Variants in EDIL3 observed in about 807,000 individuals in gnomAD.
The protein encoded by EDIL3 is EGF-like repeat and discoidin I-like domain-containing protein 3.
In EDIL3, 37 loss-of-function variants were observed where a neutral mutation model predicts 67.4. The ratio of observed to expected loss-of-function variants is 0.55; its 90% CI spans 0.42 to 0.72. The LOEUF is 0.72. Among genes scored for constraint, EDIL3 ranks in the 30% least tolerant of loss-of-function variants. The pLI, the probability that EDIL3 is intolerant of heterozygous loss-of-function variation, is 0.00. For synonymous variants in EDIL3, 195 were observed against 196.3 expected (o/e 0.99, Z 0.05); for missense variants, 527 against 586.3 (o/e 0.90, Z 1.04).
At chr5:84,304,368 G>A (rs566247557) in intron 1 of EDIL3, among the ~76,000 whole-genome samples, 1 of 152,186 alleles carries the variant, frequency 6.6e-6, no homozygotes, top group African/African-American at 2.4e-5. Context: ...GTGTGAGCTG[G>A]AGTATGGAGC....
At chr5:84,052,542 G>A (rs1746360286) in intron 9 of EDIL3, among the ~76,000 whole-genome samples, 1 of 152,114 alleles carries the variant, frequency 6.6e-6, no homozygotes, top group African/African-American at 2.4e-5. Context: ...AGACCCATCA[G>A]TGTGCTGTAT....
Position 84,121,533 on chromosome 5 carries a change from A to AGATC in EDIL3, c.470-14707_470-14704dup, listed in dbSNP as rs374601994. On this transcript the variant is annotated intron_variant, in intron 5 of 10. Coordinates refer to ENST00000296591, the MANE Select transcript of EDIL3 (RefSeq NM_005711.5). ...CATTATCTGACCAGTTCACTAACTT[A>AGATC]GATCGATCTATCTATCTATCTATCT... is the stretch of plus-strand genomic sequence containing the variant. Among the ~76,000 whole-genome samples the AGATC allele has an allele frequency of 2.1e-3, 211 of 100,794 alleles. 1 individual carries two copies. The highest frequency in any genetic ancestry group is 5.1e-3 in the African/African-American group (153 of 29,808). The allele number at this position is 100,794 out of a possible 152,430, so 66.1% of individuals were successfully genotyped here.
At chr5:84,240,459 C>G (rs1323622520) in intron 2 of EDIL3, among the ~76,000 whole-genome samples, 1 of 152,104 alleles carries the variant, frequency 6.6e-6, no homozygotes, top group Non-Finnish European at 1.5e-5. Flanking sequence ...GGGGCATGAA[C>G]CGGTATGGGT....
In EDIL3 at chr5:84,062,781, CA is replaced by C. The variant is rs1198022115; in HGVS notation, c.952+1918del. On this transcript the variant is annotated intron_variant, in intron 8 of 10. Transcript: ENST00000296591. Reference sequence around the variant, plus strand: ...TTGTGGGGAGTAGTTTGGTACATTACATTAGTGTTTATTTCCAGGTGTTACA... The same window carrying C: ...TTGTGGGGAGTAGTTTGGTACATTACTTAGTGTTTATTTCCAGGTGTTACA... Among the ~76,000 whole-genome samples, 4 of 152,054 alleles carry C rather than the reference CA, an allele frequency of 2.6e-5. No homozygotes were observed. In the East Asian group the frequency reaches 7.7e-4, roughly 29 times the overall value.
intron 6 of EDIL3, among the ~76,000 whole-genome samples, chr5:84,075,894 A>G (rs867123899): frequency 1.5e-4 from 20 of 129,528 alleles, no homozygotes; most frequent in South Asian, 4.5e-4. Flanking sequence ...GTGCACGCAC[A>G]CACACACACA....
intron 1 of EDIL3, among the ~76,000 whole-genome samples, chr5:84,342,484 G>T (rs146689126): frequency 6.6e-6 from 1 of 152,114 alleles, no homozygotes; most frequent in East Asian, 1.9e-4. Context: ...TTATTCCACT[G>T]ATGGATACTC....
chr5:84,369,476 C>A (rs1580106825), intron 1 of EDIL3, among the ~76,000 whole-genome samples: 3 of 151,974 alleles, frequency 2.0e-5, no homozygotes, highest in African/African-American at 7.2e-5. Flanking sequence ...GTGAAATAAG[C>A]CAGTCTCACA....
chr5:84,243,883 A>G (rs1744847389), intron 2 of EDIL3, among the ~76,000 whole-genome samples: 1 of 152,080 alleles, frequency 6.6e-6, no homozygotes, highest in Non-Finnish European at 1.5e-5. Context: ...GCCCAATTCT[A>G]CTCTCATTAT....
At chr5:84,092,640 A>G (rs2112269168) in intron 6 of EDIL3, among the ~76,000 whole-genome samples, 1 of 152,294 alleles carries the variant, frequency 6.6e-6, no homozygotes, top group African/African-American at 2.4e-5. Flanking sequence ...AGTATTTTAG[A>G]GCTTCTTTTC....
At chr5:83,957,938 C>T (rs929615797) in intron 10 of EDIL3, among the ~76,000 whole-genome samples, 20 of 151,488 alleles carry the variant, frequency 1.3e-4, no homozygotes, top group African/African-American at 4.6e-4. Flanking sequence ...AGATGATCCC[C>T]CCATCTAATC....
At chr5:83,947,708 G>A (rs1245108844) in intron 10 of EDIL3, among the ~76,000 whole-genome samples, 1 of 151,820 alleles carries the variant, frequency 6.6e-6, no homozygotes, top group East Asian at 1.9e-4. Flanking sequence ...CAGTTTGAAA[G>A]TCTATCTTTT....
intron 1 of EDIL3, among the ~76,000 whole-genome samples, chr5:84,377,828 T>A (rs1010613915): frequency 6.6e-6 from 1 of 152,208 alleles, no homozygotes; most frequent in Non-Finnish European, 1.5e-5. Flanking sequence ...ATCTTCTTTC[T>A]CCATAGTAAC....
At chr5:84,054,361 G>A (rs1340316318) in intron 9 of EDIL3, among the ~76,000 whole-genome samples, 6 of 152,142 alleles carry the variant, frequency 3.9e-5, no homozygotes, top group African/African-American at 1.2e-4. Flanking sequence ...CATACTGAAT[G>A]GGCAAAAACT....
intron 6 of EDIL3, among the ~76,000 whole-genome samples, chr5:84,073,834 T>C (rs368692210): frequency 6.6e-6 from 1 of 152,070 alleles, no homozygotes; most frequent in African/African-American, 2.4e-5. Flanking sequence ...CCTCACAGAA[T>C]TGGAAAAAAC....
intron 6 of EDIL3, among the ~76,000 whole-genome samples, chr5:84,068,549 C>G (rs937071145): frequency 1.3e-5 from 2 of 152,060 alleles, no homozygotes; most frequent in Non-Finnish European, 2.9e-5. Flanking sequence ...TAAAAATTCT[C>G]TTTGCTCTAA....
intron 1 of EDIL3, among the ~76,000 whole-genome samples, chr5:84,284,870 T>A (rs1017764290): frequency 2.6e-5 from 4 of 152,188 alleles, no homozygotes; most frequent in Non-Finnish European, 4.4e-5. Flanking sequence ...GCATTTTTTT[T>A]ATTTGTAGTT....
At chr5:84,320,695 A>AT (rs754273298) in intron 1 of EDIL3, among the ~76,000 whole-genome samples, 8 of 151,028 alleles carry the variant, frequency 5.3e-5, no homozygotes, top group Non-Finnish European at 1.2e-4. Flanking sequence ...TACAGATAGT[A>AT]TAAGAAGGGA....
intron 9 of EDIL3, among the ~76,000 whole-genome samples, chr5:84,006,623 C>T (rs1176788799): frequency 6.6e-6 from 1 of 152,108 alleles, no homozygotes; most frequent in Non-Finnish European, 1.5e-5. Flanking sequence ...TTAACAGGTA[C>T]TATGCTCATT....
chr5:84,194,839 A>G (rs1330329323), intron 3 of EDIL3, among the ~76,000 whole-genome samples: 1 of 151,908 alleles, frequency 6.6e-6, no homozygotes, highest in Non-Finnish European at 1.5e-5. Context: ...TTAAAGATTG[A>G]CTGTAGCTCA....
Sources: allele counts gnomAD v4.1 joint callset (sites outside exome capture counted in the v4.1 genomes callset), GRCh38; gene constraint gnomAD v4.1.1; transcripts MANE v1.5; gene names NCBI Gene and HGNC (gene_info 2026-07-23, HGNC 2026-07-21).